Variants in GSDMC observed in about 807,000 individuals in gnomAD.
GSDMC encodes gasdermin C, also known as gasdermin-C.
Under a neutral mutation model 58.0 loss-of-function variants are expected in GSDMC, and 59 were observed. The observed-to-expected ratio is 1.02, with a 90% CI of 0.82 to 1.26. The LOEUF (loss-of-function observed/expected upper bound fraction) is 1.26, where lower values mean the gene tolerates loss of function less well. Ranked by LOEUF, GSDMC falls within the 50% of genes most tolerant of loss-of-function variation. GSDMC has a pLI of 0.00. For missense variants in GSDMC, 659 were observed against 598.5 expected (o/e 1.10, Z -1.06); for synonymous variants, 241 against 220.2 (o/e 1.09, Z -0.83).
chr8:129,785,446 G>A (rs2034530684), intron 1 of GSDMC, among the ~76,000 whole-genome samples: 1 of 151,694 alleles, frequency 6.6e-6, no homozygotes, highest in African/African-American at 2.4e-5. Context: ...AAAAAAAATA[G>A]TTAGACTGAA....
chr8:129,776,031 T>G, intron 3 of GSDMC, 71 bp downstream of exon 3: 1 of 1,177,748 alleles, frequency 8.5e-7, no homozygotes. Context: ...TTGCTAGATG[T>G]ATTTTTGTGT....
chr8:129,777,356 G>A lies in GSDMC; in HGVS notation c.220+12C>T. The A allele has an allele frequency of 6.4e-7, 1 of 1,554,532 alleles. No individual in the cohort carries two copies. On this transcript the variant is annotated intron_variant, in intron 2 of 13. Coordinates refer to ENST00000276708, the MANE Select transcript of GSDMC (RefSeq NM_031415.3). ...TTCACCCCTCACCTCCTTGGCCTCTGGCTGACAATACCTAGGACTGAAGAA... is the reference window on the plus strand; with the variant it reads ...TTCACCCCTCACCTCCTTGGCCTCTAGCTGACAATACCTAGGACTGAAGAA...
the GSDMC span, chr8:129,729,260 G>T: frequency 1.6e-6 from 1 of 621,844 alleles, no homozygotes; most frequent in Non-Finnish European, 3.1e-6. Flanking sequence ...ACTTAGACAT[G>T]TATCTGCCAG....
intron 6 of GSDMC, among the ~76,000 whole-genome samples, chr8:129,757,580 A>G (rs2033490722): frequency 6.6e-6 from 1 of 152,046 alleles, no homozygotes; most frequent in African/African-American, 2.4e-5. Context: ...TACCAAAACT[A>G]AATTAAGATA....
chr8:129,751,775 A>T (rs2033201985), intron 9 of GSDMC, 87 bp downstream of exon 9: 1 of 1,397,068 alleles, frequency 7.2e-7, no homozygotes, highest in Non-Finnish European at 1.0e-6. Flanking sequence ...CGGTGGTGGC[A>T]AAGGCGAGGC....
the GSDMC span, among the ~76,000 whole-genome samples, chr8:129,717,554 A>G: frequency 0.21 from 32,452 of 152,062 alleles, 3,741 homozygotes; most frequent in Non-Finnish European, 0.25. Context: ...TTCCATGCTC[A>G]TGATAGGAAG....
intron 3 of GSDMC, among the ~76,000 whole-genome samples, chr8:129,773,353 T>C (rs1436291409): frequency 1.3e-5 from 2 of 152,218 alleles, no homozygotes; most frequent in Non-Finnish European, 2.9e-5. Flanking sequence ...GATGACACTA[T>C]CTTATACATC....
rs1334102293 is a variant in GSDMC at position 129,763,859 on chromosome 8, C to T, written c.571-1128G>A. Among the ~76,000 whole-genome samples the T allele has an allele frequency of 3.9e-5, 6 of 152,142 alleles. No homozygotes were observed. In the East Asian group the frequency reaches 9.6e-4, roughly 24 times the overall value. ...CCTCCCAAAGTGCTAGGATTACAGG[C>T]ATGAGCCACTGTGCCTAGCCTCCAA... On this transcript the variant is annotated intron_variant, in intron 4 of 13. Coordinates refer to ENST00000276708, the MANE Select transcript of GSDMC (RefSeq NM_031415.3).
chr8:129,766,013 C>T (rs1160433668), intron 3 of GSDMC, among the ~76,000 whole-genome samples: 2 of 152,058 alleles, frequency 1.3e-5, no homozygotes, highest in Non-Finnish European at 2.9e-5. Context: ...GTATATGTAC[C>T]ATATTGTTAA....
chr8:129,748,413 A>C lies in GSDMC; in HGVS notation c.*88T>G. On this transcript the variant is annotated 3_prime_UTR_variant, in exon 14 of 14. Transcript: ENST00000276708. ...TCCACCTGGAAACGCAGAGAGGCAC[A>C]GCCCTATCTCTTGCACCCATAAGGA... The C allele has an allele frequency of 7.6e-7, 1 of 1,318,366 alleles. No homozygotes were observed. Among genetic ancestry groups the C allele is most frequent in the Non-Finnish European group, 1.0e-6 (1 of 976,706 alleles). 81.7% of individuals were successfully genotyped at this position (1,318,366 alleles called of 1,614,324 possible).
the GSDMC span, among the ~76,000 whole-genome samples, chr8:129,734,843 T>C: frequency 6.6e-6 from 1 of 152,114 alleles, no homozygotes; most frequent in Non-Finnish European, 1.5e-5. Context: ...GGGCTAAATG[T>C]TCCAATTAAA....
chr8:129,784,366 A>C (rs1179434907), intron 1 of GSDMC, among the ~76,000 whole-genome samples: 7 of 152,210 alleles, frequency 4.6e-5, no homozygotes, highest in Non-Finnish European at 8.8e-5. Flanking sequence ...TAATAACCAG[A>C]AAATATAAGG....
the GSDMC span, among the ~76,000 whole-genome samples, chr8:129,709,602 A>AGAT: frequency 2.0e-5 from 3 of 150,724 alleles, no homozygotes; most frequent in African/African-American, 4.9e-5. Flanking sequence ...ATAGATAGAT[A>AGAT]GATAGATAGA....
At chr8:129,743,755 T>TA (rs1181148293), downstream of GSDMC, among the ~76,000 whole-genome samples, 4 of 152,208 alleles carry the variant, frequency 2.6e-5, no homozygotes, top group Non-Finnish European at 5.9e-5. Context: ...GGCTTGTTTT[T>TA]ATACTCTGTT....
At chr8:129,719,074 C>T in the GSDMC span, among the ~76,000 whole-genome samples, 1 of 152,186 alleles carries the variant, frequency 6.6e-6, no homozygotes, top group East Asian at 1.9e-4. Context: ...AGTAGAAATA[C>T]CTAATGTAGA....
the GSDMC span, among the ~76,000 whole-genome samples, chr8:129,739,578 T>C: frequency 2.0e-5 from 3 of 152,116 alleles, no homozygotes; most frequent in Non-Finnish European, 2.9e-5. Context: ...AAGATTATAA[T>C]GGAGCTGAAA....
intron 9 of GSDMC, 34 bp downstream of exon 9, chr8:129,751,828 T>TGG: frequency 6.3e-7 from 1 of 1,576,972 alleles, no homozygotes; most frequent in Non-Finnish European, 8.7e-7. Flanking sequence ...CAGGATGGGA[T>TGG]CCCCACCCCC....
intron 1 of GSDMC, among the ~76,000 whole-genome samples, chr8:129,780,811 A>G (rs2034383010): frequency 6.6e-6 from 1 of 152,222 alleles, no homozygotes; most frequent in Non-Finnish European, 1.5e-5. Flanking sequence ...CCAAACGATA[A>G]ACCAATCAAA....
chr8:129,784,028 T>C (rs1039246036), intron 1 of GSDMC, among the ~76,000 whole-genome samples: 3 of 152,180 alleles, frequency 2.0e-5, no homozygotes, highest in East Asian at 3.8e-4. Context: ...CTGGGAAACC[T>C]GGATATTCAT....
Sources: allele counts gnomAD v4.1 joint callset (sites outside exome capture counted in the v4.1 genomes callset), GRCh38; gene constraint gnomAD v4.1.1; transcripts MANE v1.5; gene names NCBI Gene and HGNC (gene_info 2026-07-23, HGNC 2026-07-21).